The following IQSEC1 variants were observed in gnomAD, a reference collection of about 807,000 sequenced individuals.
The protein encoded by IQSEC1 is IQ motif and Sec7 domain ArfGEF 1, also known as IQ motif and SEC7 domain-containing protein 1.
In IQSEC1, 31 loss-of-function variants were observed where a neutral mutation model predicts 91.0. The ratio of observed to expected loss-of-function variants is 0.34; its 90% CI spans 0.26 to 0.46. The LOEUF (loss-of-function observed/expected upper bound fraction) is 0.46. Among genes scored for constraint, IQSEC1 ranks in the 20% least tolerant of loss-of-function variants. IQSEC1 has a pLI of 1.00. For synonymous variants in IQSEC1, 699 were observed against 662.6 expected, an observed-to-expected ratio of 1.05 and a Z score of -0.84; for missense variants, 1,388 against 1,575.6, an observed-to-expected ratio of 0.88 and a Z score of 2.02.
At chr3:12,929,634 C>T (rs558500605) in intron 3 of IQSEC1, among the ~76,000 whole-genome samples, 47 of 152,338 alleles carry the variant, frequency 3.1e-4, no homozygotes, top group African/African-American at 1.1e-3. Context: ...TGCTGAAAAT[C>T]CACTCCGTCC....
At chr3:12,904,955 C>T (rs1018408659) in intron 12 of IQSEC1, among the ~76,000 whole-genome samples, 1 of 152,158 alleles carries the variant, frequency 6.6e-6, no homozygotes, top group South Asian at 2.1e-4. Flanking sequence ...TTTGGAGTGA[C>T]GCTGAGTGTC....
At chr3:13,233,388 G>A (rs1694868467) in intron 1 of IQSEC1, among the ~76,000 whole-genome samples, 1 of 152,192 alleles carries the variant, frequency 6.6e-6, no homozygotes, top group Non-Finnish European at 1.5e-5. Flanking sequence ...CCTGCTCACT[G>A]GCGGCTGCAG....
chr3:13,224,302 C>G (rs1036163888), intron 1 of IQSEC1, among the ~76,000 whole-genome samples: 1 of 152,086 alleles, frequency 6.6e-6, no homozygotes, highest in African/African-American at 2.4e-5. Flanking sequence ...GAAAGAAGCC[C>G]CCACACCCAA....
intron 1 of IQSEC1, among the ~76,000 whole-genome samples, chr3:13,026,799 A>C (rs1171791537): frequency 2.7e-5 from 4 of 148,132 alleles, no homozygotes; most frequent in Admixed American, 1.3e-4. Flanking sequence ...TGAGCAGGTG[A>C]GGAGATCTAT....
intron 1 of IQSEC1, among the ~76,000 whole-genome samples, chr3:12,956,356 T>C (rs967991718): frequency 2.6e-5 from 4 of 152,210 alleles, no homozygotes; most frequent in South Asian, 4.2e-4. Flanking sequence ...GAACACCAAT[T>C]CCCGAGAGGC....
At position 12,967,899 on chromosome 3, in the gene IQSEC1, T is replaced by C. The variant is rs574447816; in HGVS notation, c.24-26034A>G. On this transcript the variant is annotated intron_variant, in intron 1 of 13. Transcript: ENST00000613206. The surrounding 1 kb of genome is among the most constrained non-coding windows in gnomAD (Gnocchi z 5.9). ...CGGAAGAAGCACAGGGGGCGGGGGG[T>C]CAGGGGCGGGGCGTCAGGGGCGGGG... 1.6e-3 allele frequency among the ~76,000 whole-genome samples: 24 copies of C among 15,206 alleles called. No homozygotes were observed. In the East Asian group the frequency reaches 0.03, roughly 19 times the overall value. The allele number at this position is 15,206 out of a possible 152,430, so 10.0% of individuals were successfully genotyped here.
intron 1 of IQSEC1, among the ~76,000 whole-genome samples, chr3:12,960,943 G>A (rs112746579): frequency 1.5e-3 from 230 of 152,350 alleles, no homozygotes; most frequent in African/African-American, 4.9e-3. Flanking sequence ...AGCTTGCAGT[G>A]GGGACCACCT....
At position 13,008,751 on chromosome 3, in the gene IQSEC1, T is replaced by A. The variant is rs1702744658; in HGVS notation, c.23+64241A>T. Among the ~76,000 whole-genome samples, 2 of 152,004 alleles carry A rather than the reference T, an allele frequency of 1.3e-5. No homozygotes were observed. The stretch of plus-strand genomic sequence containing the variant: ...ACACAGTCAATATTAGTTGGTCGAG[T>A]TACTGATAGAACAACGCTCTTGATC... On this transcript the variant is annotated intron_variant, in intron 1 of 13. Transcript: ENST00000613206. The surrounding 1 kb of genome is among the most constrained non-coding windows in gnomAD (Gnocchi z 4.1).
rs551493553 is a variant in IQSEC1 at position 13,098,386 on chromosome 3, G to A, written c.303-50864C>T. Among the ~76,000 whole-genome samples the A allele has an allele frequency of 1.7e-4, 26 of 152,320 alleles. No homozygotes were observed. In the East Asian group the frequency reaches 3.1e-3, roughly 18 times the overall value. Reference sequence around the variant, plus strand: ...CCACAGAGGAGGCGCCATCTTAAGTGGGTTTTGAAGGATGCAGAGGAGTTC... The same window carrying A: ...CCACAGAGGAGGCGCCATCTTAAGTAGGTTTTGAAGGATGCAGAGGAGTTC... On this transcript the variant is annotated intron_variant, in intron 2 of 15. Transcript: ENST00000648114.
At chr3:13,063,796 C>T (rs1377268878) in intron 1 of IQSEC1, among the ~76,000 whole-genome samples, 1 of 152,096 alleles carries the variant, frequency 6.6e-6, no homozygotes, top group Non-Finnish European at 1.5e-5. Flanking sequence ...GAGAGAAGGG[C>T]CCAAGGTGTC....
intron 2 of IQSEC1, among the ~76,000 whole-genome samples, chr3:13,089,065 T>A (rs1262809180): frequency 1.3e-5 from 2 of 152,212 alleles, no homozygotes; most frequent in Non-Finnish European, 2.9e-5. Flanking sequence ...CCGCTGGACA[T>A]ATGCCCTGAC....
Position 12,979,162 on chromosome 3 carries a change from T to C in IQSEC1, c.24-37297A>G, listed in dbSNP as rs191682292. 1.2e-4 allele frequency among the ~76,000 whole-genome samples: 19 copies of C among 152,354 alleles called. No homozygotes were observed. In the East Asian group the frequency reaches 3.7e-3, roughly 29 times the overall value. On this transcript the variant is annotated intron_variant, in intron 1 of 13. Coordinates refer to ENST00000613206, the MANE Select transcript of IQSEC1 (RefSeq NM_001134382.3). This position sits in a 1 kb window ranked among gnomAD's most constrained non-coding sequence, Gnocchi z 4.3. ...TCCAATTACTTAACGCTCTTCATTC[T>C]ATCAAGAAAACTTTATATCTGCTCC...
At chr3:13,033,608 A>G (rs1259863263) in intron 1 of IQSEC1, among the ~76,000 whole-genome samples, 1 of 152,210 alleles carries the variant, frequency 6.6e-6, no homozygotes, top group Non-Finnish European at 1.5e-5. Context: ...ATAGTCAGCA[A>G]GAGACCCAGG....
intron 5 of IQSEC1, among the ~76,000 whole-genome samples, chr3:12,921,326 C>T (rs1457833444): frequency 1.3e-5 from 2 of 152,190 alleles, no homozygotes; most frequent in African/African-American, 4.8e-5. Flanking sequence ...CCGCCAGGGC[C>T]CTGGGGTTGT....
chr3:13,235,401 C>A (rs971170977), intron 1 of IQSEC1, among the ~76,000 whole-genome samples: 1 of 152,212 alleles, frequency 6.6e-6, no homozygotes, highest in African/African-American at 2.4e-5. Flanking sequence ...GCACCTGCAT[C>A]CTTGGGCTCA....
intron 2 of IQSEC1, among the ~76,000 whole-genome samples, chr3:12,938,193 G>A (rs968081134): frequency 6.6e-6 from 1 of 152,248 alleles, no homozygotes; most frequent in Non-Finnish European, 1.5e-5. Context: ...GCACCTGCCT[G>A]TATGGTCCCA....
intron 1 of IQSEC1, among the ~76,000 whole-genome samples, chr3:13,051,613 C>G (rs184034944): frequency 9.7e-4 from 148 of 152,296 alleles, no homozygotes; most frequent in African/African-American, 3.3e-3. Context: ...AATTCAGTAT[C>G]AATTTACACG....
upstream of IQSEC1, among the ~76,000 whole-genome samples, chr3:13,073,499 C>T (rs1705503897): frequency 6.6e-6 from 1 of 152,174 alleles, no homozygotes; most frequent in African/African-American, 2.4e-5. Flanking sequence ...TGCGGCCGCG[C>T]CGGACCAATC....
At chr3:12,902,670 C>CAAAAAAAAAAAAAAAAAAAAAAAAAA (rs1213830618) in intron 13 of IQSEC1, 103 bp downstream of exon 13, 6 of 192,642 alleles carry the variant, frequency 3.1e-5, no homozygotes, top group South Asian at 1.0e-4. Flanking sequence ...AAAAAAAAAC[C>CAAAAAAAAAAAAAAAAAAAAAAAAAA]AAAAAAAAAA....
Sources: allele counts gnomAD v4.1 joint callset (sites outside exome capture counted in the v4.1 genomes callset), GRCh38; gene constraint gnomAD v4.1.1; non-coding constraint Gnocchi (gnomAD v3.1); transcripts MANE v1.5; gene names NCBI Gene and HGNC (gene_info 2026-07-23, HGNC 2026-07-21).